LHPP: variants seen among roughly 807,000 people sequenced by gnomAD.
LHPP encodes the protein hLHPP.
A neutral mutation model predicts 30.3 loss-of-function variants in LHPP; 24 were observed. That is an observed-to-expected ratio of 0.79 (90% CI 0.57 to 1.11). The LOEUF is 1.11. Ranked by LOEUF, LHPP falls within the 50% of genes most tolerant of loss-of-function variation. The pLI, the probability that LHPP is intolerant of heterozygous loss-of-function variation, is 0.00. For missense variants in LHPP, 356 were observed against 367.2 expected (o/e 0.97, Z 0.25); for synonymous variants, 150 against 157.1 (o/e 0.95, Z 0.34).
At chr10:124,490,654 A>G in intron 3 of LHPP, 1 of 181,444 alleles carries the variant, frequency 5.5e-6, no homozygotes, top group South Asian at 1.3e-4. Context: ...GATGGCATCT[A>G]GATTGTTCCT....
intron 3 of LHPP, among the ~76,000 whole-genome samples, chr10:124,490,807 G>A (rs1953498871): frequency 6.6e-6 from 1 of 152,226 alleles, no homozygotes; most frequent in Non-Finnish European, 1.5e-5. Flanking sequence ...GACTTATTCT[G>A]CACAGCCTAG....
intron 5 of LHPP, among the ~76,000 whole-genome samples, chr10:124,509,351 C>T (rs892871736): frequency 7.2e-5 from 11 of 152,278 alleles, no homozygotes; most frequent in South Asian, 4.1e-4. Flanking sequence ...CTTCCAGTTT[C>T]GCTCTTGTGC....
At chr10:124,585,718 C>T (rs931723290) in intron 6 of LHPP, among the ~76,000 whole-genome samples, 1 of 152,112 alleles carries the variant, frequency 6.6e-6, no homozygotes, top group African/African-American at 2.4e-5. Context: ...TCTGCCTCAG[C>T]CTCCCGAGCA....
chr10:124,465,992 T>C (rs1324469626), intron 1 of LHPP, among the ~76,000 whole-genome samples: 1 of 152,208 alleles, frequency 6.6e-6, no homozygotes, highest in Non-Finnish European at 1.5e-5. Context: ...CACACATTGC[T>C]TGCAGAAGAT....
intron 6 of LHPP, among the ~76,000 whole-genome samples, chr10:124,599,891 T>C (rs1948999595): frequency 6.6e-6 from 1 of 152,240 alleles, no homozygotes; most frequent in South Asian, 2.1e-4. Flanking sequence ...CCCCCAGGCC[T>C]GTGTCCCAGA....
chr10:124,530,541 C>T (rs1314659833), intron 6 of LHPP, among the ~76,000 whole-genome samples: 1 of 151,976 alleles, frequency 6.6e-6, no homozygotes, highest in Non-Finnish European at 1.5e-5. Context: ...CACACACACA[C>T]ACACACACAT....
In LHPP at chr10:124,541,520, G is replaced by A. The variant is rs1012072539; in HGVS notation, c.716+24249G>A. On this transcript the variant is annotated intron_variant, in intron 6 of 6. Transcript: ENST00000368842. This position sits in a 1 kb window ranked among gnomAD's most constrained non-coding sequence, Gnocchi z 4.2. ...CCACCCTGAGGAATTCCACCTGGGCGTTTGGTGTCCCTAGCATATCTCGAA... is the reference window on the plus strand; with the variant it reads ...CCACCCTGAGGAATTCCACCTGGGCATTTGGTGTCCCTAGCATATCTCGAA... Among the ~76,000 whole-genome samples the A allele has an allele frequency of 8.5e-5, 13 of 152,262 alleles. No individual in the cohort carries two copies. Among genetic ancestry groups the A allele is most frequent in the Middle Eastern group, 6.8e-3 (2 of 294 alleles).
In LHPP at chr10:124,593,779, G is replaced by A. The variant is rs935848632; in HGVS notation, c.717-19485G>A. On this transcript the variant is annotated intron_variant, in intron 6 of 6. Coordinates refer to ENST00000368842, the MANE Select transcript of LHPP (RefSeq NM_022126.4). The surrounding 1 kb of genome is among the most constrained non-coding windows in gnomAD (Gnocchi z 4.9). ...GTTTGACGCAGGAGGTTTTGCCGGC[G>A]CCAGGGGCTCCCTCGGCTGACCGAG... 7.2e-5 allele frequency among the ~76,000 whole-genome samples: 11 copies of A among 152,268 alleles called. No homozygotes were observed. The highest frequency in any genetic ancestry group is 4.4e-5 in the Non-Finnish European group (3 of 68,040).
intron 6 of LHPP, among the ~76,000 whole-genome samples, chr10:124,597,996 G>A (rs561764917): frequency 1.3e-5 from 2 of 152,294 alleles, no homozygotes; most frequent in South Asian, 2.1e-4. Flanking sequence ...CCCAGGCCCC[G>A]GCTCCTGGTG....
intron 6 of LHPP, among the ~76,000 whole-genome samples, chr10:124,582,853 AAAG>A (rs1373172493): frequency 1.3e-5 from 2 of 152,064 alleles, no homozygotes; most frequent in Non-Finnish European, 1.5e-5. Flanking sequence ...CAAAAAAAAA[AAAG>A]AAGAAGAAAA....
At chr10:124,536,521 G>A (rs1444285231) in intron 6 of LHPP, among the ~76,000 whole-genome samples, 1 of 152,216 alleles carries the variant, frequency 6.6e-6, no homozygotes, top group Non-Finnish European at 1.5e-5. Context: ...ACAGGCCAAG[G>A]CTTTGGGCTC....
rs982170137 is a variant in LHPP, at chr10:124,576,643, AG to A, written c.717-36620del. Among the ~76,000 whole-genome samples the A allele has an allele frequency of 4.0e-5, 6 of 151,830 alleles. No homozygotes were observed. Among genetic ancestry groups the A allele is most frequent in the Non-Finnish European group, 5.9e-5 (4 of 67,956 alleles). On this transcript the variant is annotated intron_variant, in intron 6 of 6. Transcript: ENST00000368842. This position sits in a 1 kb window ranked among gnomAD's most constrained non-coding sequence, Gnocchi z 4.2. ...CAGGCCTGCTGGTAATATGGGATAC[AG>A]AGGTCTCCTCACTGCACACACAAAA... is the stretch of plus-strand genomic sequence containing the variant.
chr10:124,543,113 T>G (rs1231433950), intron 6 of LHPP, among the ~76,000 whole-genome samples: 1 of 152,214 alleles, frequency 6.6e-6, no homozygotes, highest in Non-Finnish European at 1.5e-5. Flanking sequence ...GGGGGCTGGA[T>G]ACCTGGACAG....
At chr10:124,467,707 T>TG (rs1478490668) in intron 1 of LHPP, among the ~76,000 whole-genome samples, 76 of 93,686 alleles carry the variant, frequency 8.1e-4, no homozygotes, top group Non-Finnish European at 1.3e-3. Flanking sequence ...TGTGTGTGTG[T>TG]TTTTTGTTGT....
chr10:124,602,248 T>C (rs2134012821), intron 6 of LHPP, among the ~76,000 whole-genome samples: 1 of 152,360 alleles, frequency 6.6e-6, no homozygotes, highest in South Asian at 2.1e-4. Context: ...AGCATGGCTG[T>C]TCATCTCTGG....
Position 124,461,997 on chromosome 10 carries a change from C to A in LHPP, c.125+10C>A. ...TGGAGGCGGTGGCCAGGTGAGTGGG[C>A]CCCGGGACGCCGCTGGGGCCGCCGA... On this transcript the variant is annotated intron_variant, in intron 1 of 6. Coordinates refer to ENST00000368842, the MANE Select transcript of LHPP (RefSeq NM_022126.4). The A allele has an allele frequency of 8.3e-7, 1 of 1,209,424 alleles. No individual in the cohort carries two copies. The highest frequency in any genetic ancestry group is 4.1e-5 in the South Asian group (1 of 24,152). 74.9% of individuals were successfully genotyped at this position (1,209,424 alleles called of 1,614,324 possible). A position where few individuals can be genotyped will look rare whatever the true frequency, so the allele number is the denominator to read the frequency against.
intron 6 of LHPP, among the ~76,000 whole-genome samples, chr10:124,609,845 G>T (rs1589718756): frequency 6.6e-6 from 1 of 152,324 alleles, no homozygotes. Context: ...AGCCGTTGTG[G>T]AGTATTCCAG....
Position 124,523,273 on chromosome 10 carries a change from T to C in LHPP, c.716+6002T>C, listed in dbSNP as rs1197308805. Among the ~76,000 whole-genome samples, 1 of 152,246 alleles carries C rather than the reference T, an allele frequency of 6.6e-6. No homozygotes were observed. The stretch of plus-strand genomic sequence containing the variant: ...TCCCGACATCCTGCAAGGTCCCTTC[T>C]AGCTGTGGCCTGGGTGCTGAAGGGG... On this transcript the variant is annotated intron_variant, in intron 6 of 6. Coordinates refer to ENST00000368842, the MANE Select transcript of LHPP (RefSeq NM_022126.4). The surrounding 1 kb of genome is among the most constrained non-coding windows in gnomAD (Gnocchi z 4.2).
chr10:124,567,660 G>A (rs1948514733), intron 6 of LHPP, among the ~76,000 whole-genome samples: 1 of 152,236 alleles, frequency 6.6e-6, no homozygotes, highest in Non-Finnish European at 1.5e-5. Flanking sequence ...GGCCACTTGT[G>A]TTCCCAGCTG....
Sources: allele counts gnomAD v4.1 joint callset (sites outside exome capture counted in the v4.1 genomes callset), GRCh38; gene constraint gnomAD v4.1.1; non-coding constraint Gnocchi (gnomAD v3.1); transcripts MANE v1.5; gene names NCBI Gene and HGNC (gene_info 2026-07-23, HGNC 2026-07-21).